Variants in PTPRM observed in about 807,000 individuals in gnomAD.
The protein encoded by PTPRM is protein tyrosine phosphatase receptor type M, also known as receptor-type tyrosine-protein phosphatase mu.
In PTPRM, 47 loss-of-function variants were observed where a neutral mutation model predicts 186.7. That is an observed-to-expected ratio of 0.25 (90% CI 0.20 to 0.32). The LOEUF (loss-of-function observed/expected upper bound fraction) is 0.32, where lower values mean the gene tolerates loss of function less well. Among genes scored for constraint, PTPRM ranks in the 10% least tolerant of loss-of-function variants. The pLI is 1.00. For synonymous variants in PTPRM, 668 were observed against 674.9 expected (o/e 0.99, Z 0.16); for missense variants, 1,494 against 1,865.0 (o/e 0.80, Z 3.66).
intron 20 of PTPRM, among the ~76,000 whole-genome samples, chr18:8,301,394 G>A (rs954131425): frequency 6.6e-6 from 1 of 152,058 alleles, no homozygotes; most frequent in African/African-American, 2.4e-5. Flanking sequence ...ACTCTCAACA[G>A]TTCCTAATTA....
chr18:8,056,155 G>A (rs373920950), intron 7 of PTPRM, among the ~76,000 whole-genome samples: 2 of 152,118 alleles, frequency 1.3e-5, no homozygotes, highest in Non-Finnish European at 2.9e-5. Flanking sequence ...TATTTGATGA[G>A]TCTGAATATT....
At chr18:8,057,049 G>C (rs1241344754) in intron 7 of PTPRM, among the ~76,000 whole-genome samples, 1 of 151,190 alleles carries the variant, frequency 6.6e-6, no homozygotes, top group Non-Finnish European at 1.5e-5. Context: ...CTTCAACTCT[G>C]CTATATTGAA....
chr18:8,003,612 A>G (rs534533833), intron 7 of PTPRM, among the ~76,000 whole-genome samples: 8 of 152,350 alleles, frequency 5.3e-5, no homozygotes, highest in African/African-American at 1.7e-4. Flanking sequence ...TCCTCATGTT[A>G]CCTTCAAGAT....
intron 2 of PTPRM, among the ~76,000 whole-genome samples, chr18:7,801,077 T>C (rs1014657636): frequency 6.6e-6 from 1 of 152,206 alleles, no homozygotes; most frequent in Admixed American, 6.5e-5. Context: ...GTGGATTTTA[T>C]AAACACTGTG....
intron 7 of PTPRM, among the ~76,000 whole-genome samples, chr18:7,994,229 A>G: frequency 6.6e-6 from 1 of 151,702 alleles, no homozygotes; most frequent in Non-Finnish European, 1.5e-5. Context: ...TCAGTACATA[A>G]TTATAAAGGG....
At chr18:8,165,829 C>A (rs2093315083) in intron 14 of PTPRM, among the ~76,000 whole-genome samples, 1 of 152,154 alleles carries the variant, frequency 6.6e-6, no homozygotes, top group South Asian at 2.1e-4. Context: ...CACAGCTCCC[C>A]ACGTGCAGAA....
intron 7 of PTPRM, among the ~76,000 whole-genome samples, chr18:8,037,836 A>C (rs2086430465): frequency 6.6e-6 from 1 of 152,162 alleles, no homozygotes; most frequent in Non-Finnish European, 1.5e-5. Context: ...CCCAAAAAGC[A>C]TATGGAAGGG....
chr18:7,601,096 C>T (rs899309382), intron 1 of PTPRM, among the ~76,000 whole-genome samples: 2 of 152,220 alleles, frequency 1.3e-5, no homozygotes, highest in African/African-American at 4.8e-5. Flanking sequence ...GCGTGGCTTT[C>T]CTAGGACAGA....
At chr18:7,705,399 CT>C (rs1380860436) in intron 1 of PTPRM, among the ~76,000 whole-genome samples, 1 of 133,542 alleles carries the variant, frequency 7.5e-6, no homozygotes, top group Non-Finnish European at 1.5e-5. Context: ...CTCTCTCTTT[CT>C]TTCTCTTTCA....
At chr18:8,135,748 TA>T in intron 13 of PTPRM, among the ~76,000 whole-genome samples, 1 of 152,354 alleles carries the variant, frequency 6.6e-6, no homozygotes, top group Middle Eastern at 3.4e-3. Flanking sequence ...ATCACAATTC[TA>T]AAAGGCCATC....
At chr18:7,585,746 A>G (rs1384638662) in intron 1 of PTPRM, among the ~76,000 whole-genome samples, 2 of 152,194 alleles carry the variant, frequency 1.3e-5, no homozygotes, top group African/African-American at 4.8e-5. Context: ...TTGTAGTGGC[A>G]TTGTCAGTGG....
chr18:7,921,236 T>C (rs184788807), intron 4 of PTPRM, among the ~76,000 whole-genome samples: 3 of 152,292 alleles, frequency 2.0e-5, no homozygotes, highest in East Asian at 3.9e-4. Flanking sequence ...TATTTTGAGG[T>C]ATTTTTCAGT....
At chr18:8,246,102 G>A (rs1474312660) in intron 15 of PTPRM, among the ~76,000 whole-genome samples, 1 of 152,116 alleles carries the variant, frequency 6.6e-6, no homozygotes, top group Non-Finnish European at 1.5e-5. Context: ...CATCTGATAG[G>A]AGCGACCCTA....
chr18:8,258,560 C>T (rs1168990515), intron 19 of PTPRM, among the ~76,000 whole-genome samples: 6 of 151,858 alleles, frequency 4.0e-5, no homozygotes, highest in Non-Finnish European at 8.8e-5. Flanking sequence ...GTTGATGGCT[C>T]GATTATTTTT....
intron 22 of PTPRM, among the ~76,000 whole-genome samples, chr18:8,338,010 A>T (rs1016555697): frequency 6.6e-6 from 1 of 152,152 alleles, no homozygotes; most frequent in Non-Finnish European, 1.5e-5. Flanking sequence ...GGGAGGCCCC[A>T]TGTGGGTTTG....
At chr18:7,964,066 GATTA>G (rs10597556) in intron 7 of PTPRM, among the ~76,000 whole-genome samples, 2,284 of 152,242 alleles carry the variant, frequency 0.015, 50 homozygotes, top group African/African-American at 0.052. Context: ...ATGATGACAT[GATTA>G]ATTTTTTATT....
intron 7 of PTPRM, among the ~76,000 whole-genome samples, chr18:7,989,284 G>A (rs62089479): frequency 0.057 from 8,685 of 151,910 alleles, 325 homozygotes; most frequent in Middle Eastern, 0.12. Flanking sequence ...CCAAACCATG[G>A]GCAGTATATC....
At chr18:7,909,380 C>A (rs1338410094) in intron 4 of PTPRM, among the ~76,000 whole-genome samples, 1 of 152,204 alleles carries the variant, frequency 6.6e-6, no homozygotes, top group African/African-American at 2.4e-5. Flanking sequence ...AAAACAGGCT[C>A]TGTACCAAGG....
chr18:8,375,896 C>T, intron 24 of PTPRM, 150 bp from the exon 25 acceptor site: 1 of 780,820 alleles, frequency 1.3e-6, no homozygotes, highest in Admixed American at 2.4e-5. Flanking sequence ...TGTGTGAGAT[C>T]TAAGGATGGC....
Sources: allele counts gnomAD v4.1 joint callset (sites outside exome capture counted in the v4.1 genomes callset), GRCh38; gene constraint gnomAD v4.1.1; transcripts MANE v1.5; gene names NCBI Gene and HGNC (gene_info 2026-07-23, HGNC 2026-07-21).